The following TSPAN31 variants were observed in gnomAD, a reference collection of about 807,000 sequenced individuals.
TSPAN31 encodes tetraspanin 31.
Under a neutral mutation model 24.8 loss-of-function variants are expected in TSPAN31, and 16 were observed. The ratio of observed to expected loss-of-function variants is 0.64; its 90% CI spans 0.44 to 0.98. The LOEUF (loss-of-function observed/expected upper bound fraction) is 0.98. Ranked by LOEUF, TSPAN31 falls within the 50% of genes least tolerant of loss-of-function variation. The pLI is 0.00. For synonymous variants in TSPAN31, 87 were observed against 91.4 expected (o/e 0.95, Z 0.27); for missense variants, 209 against 251.6 (o/e 0.83, Z 1.15).
chr12:57,747,199 T>C lies in TSPAN31; in HGVS notation c.559-17T>C. 1 of 1,614,070 alleles carries C rather than the reference T, an allele frequency of 6.2e-7. No individual in the cohort carries two copies. ...GAGAATTAATTGATACTTATCTCTC[T>C]CCCTTTGTTCCTACAGATCCTTGGT... On this transcript the variant is annotated splice_polypyrimidine_tract_variant and intron_variant, in intron 5 of 5. Coordinates refer to ENST00000257910, the MANE Select transcript of TSPAN31 (RefSeq NM_005981.5).
chr12:57,745,762 C>T lies in TSPAN31; in HGVS notation c.81C>T (p.Leu27=), dbSNP rs1487306677. The T allele has an allele frequency of 3.1e-6, 5 of 1,613,598 alleles. No individual in the cohort carries two copies. Among genetic ancestry groups the T allele is most frequent in the South Asian group, 1.1e-5 (1 of 91,032 alleles). Residue 27 remains leucine, a synonymous_variant, in exon 2 of 6, where the codon CTC becomes CTT. Coordinates refer to ENST00000257910, the MANE Select transcript of TSPAN31 (RefSeq NM_005981.5). The stretch of plus-strand genomic sequence containing the variant: ...CTTCGTAGCTGGTGAGCTTGTTGCT[C>T]ATTGGAGTGGCTGCTTGGGGCAAGG... The part of the protein sequence containing the change: ...NVVYMLVSLL[L]IGVAAWGKGL...
chr12:57,748,167 C>G lies in TSPAN31; in HGVS notation c.*877C>G, dbSNP rs1242194964. On this transcript the variant is annotated 3_prime_UTR_variant, in exon 6 of 6. Coordinates refer to ENST00000257910, the MANE Select transcript of TSPAN31 (RefSeq NM_005981.5). ...AGGTTTTGCAGGAAAGTCCCTTCTT[C>G]CAAGTGGTTTTTCCAAATCGCACAA... The G allele has an allele frequency of 2.8e-6, 1 of 351,722 alleles. No individual in the cohort carries two copies. Among genetic ancestry groups the G allele is most frequent in the Non-Finnish European group, 5.3e-6 (1 of 189,340 alleles). 21.8% of individuals were successfully genotyped at this position (351,722 alleles called of 1,614,324 possible).
At position 57,748,481 on chromosome 12, in the gene TSPAN31, G is replaced by T; in HGVS notation, c.*1191G>T. ...AGATTGCCCTCTCAGTGTCCAGAAG[G>T]GAAATGGCAGCTTTTCTTCCTTCCA... On this transcript the variant is annotated 3_prime_UTR_variant, in exon 6 of 6. Coordinates refer to ENST00000257910, the MANE Select transcript of TSPAN31 (RefSeq NM_005981.5). 1 of 1,404,480 alleles carries T rather than the reference G, an allele frequency of 7.1e-7. No individual in the cohort carries two copies. Among genetic ancestry groups the T allele is most frequent in the South Asian group, 1.2e-5 (1 of 86,758 alleles). The allele number at this position is 1,404,480 out of a possible 1,614,324, so 87.0% of individuals were successfully genotyped here.
At position 57,747,319 on chromosome 12, in the gene TSPAN31, GCT is replaced by G. The variant is rs764880042; in HGVS notation, c.*36_*37del. 4.4e-6 allele frequency: 7 copies of G among 1,602,804 alleles called. No homozygotes were observed. The highest frequency in any genetic ancestry group is 6.0e-6 in the Non-Finnish European group (7 of 1,170,430). On this transcript the variant is annotated 3_prime_UTR_variant, in exon 6 of 6. Coordinates refer to ENST00000257910, the MANE Select transcript of TSPAN31 (RefSeq NM_005981.5). ...TTTGGATCCTTCTGACTTTTCTTCT[GCT>G]CTCTCTAAGCTTTCTCTTCCTCCCT...
chr12:57,745,139 C>T lies in TSPAN31; in HGVS notation c.-16C>T. ...CCCAAGTCCTTGGGACCACTTGGGT[C>T]CCCAGAGCTGGGGAGATGGTTTGTG... is the stretch of plus-strand genomic sequence containing the variant. On this transcript the variant is annotated 5_prime_UTR_variant, in exon 1 of 6. Coordinates refer to ENST00000257910, the MANE Select transcript of TSPAN31 (RefSeq NM_005981.5). The T allele has an allele frequency of 6.3e-7, 1 of 1,595,046 alleles. No homozygotes were observed. Among genetic ancestry groups the T allele is most frequent in the African/African-American group, 1.3e-5 (1 of 74,794 alleles).
intron 1 of TSPAN31, 146 bp downstream of exon 1, chr12:57,745,363 TC>T (rs1262552016): frequency 5.7e-6 from 5 of 871,670 alleles, no homozygotes; most frequent in Admixed American, 4.8e-5. Flanking sequence ...CCTGGGGACT[TC>T]CGTGGGAGAG....
Position 57,749,113 on chromosome 12 carries a change from CCTGCATA to C in TSPAN31, c.*1828_*1834del, listed in dbSNP as rs993929013. 11 of 1,590,082 alleles carry C rather than the reference CCTGCATA, an allele frequency of 6.9e-6. No individual in the cohort carries two copies. The African/African-American group carries it at 1.3e-4, about 19-fold the overall frequency. On this transcript the variant is annotated 3_prime_UTR_variant, in exon 6 of 6. Coordinates refer to ENST00000257910, the MANE Select transcript of TSPAN31 (RefSeq NM_005981.5). The stretch of plus-strand genomic sequence containing the variant: ...TTTCATTAACCACAGTGGCCAGGGC[CCTGCATA>C]CTGCTCTATTTCTTTCCCCAGTCTC...
At position 57,747,248 on chromosome 12, in the gene TSPAN31, G is replaced by C. The variant is rs766959708; in HGVS notation, c.591G>C (p.Arg197=). ...ILGVWLAMRF[R]NQKDPRANPS... is the part of the protein sequence containing the mutation. ...GTGTTTGGCTAGCAATGAGATTTCG[G>C]AATCAGAAGGATCCTAGAGCCAACC... is the stretch of plus-strand genomic sequence containing the variant. The change falls in exon 6 of 6, where the codon CGG becomes CGC. Residue 197 remains arginine, a synonymous_variant. Coordinates refer to ENST00000257910, the MANE Select transcript of TSPAN31 (RefSeq NM_005981.5). 1.2e-6 allele frequency: 2 copies of C among 1,614,152 alleles called. No homozygotes were observed. The highest frequency in any genetic ancestry group is 2.2e-5 in the East Asian group (1 of 44,882).
intron 4 of TSPAN31, 120 bp downstream of exon 4, chr12:57,746,840 T>C (rs558346234): frequency 3.0e-5 from 44 of 1,479,300 alleles, no homozygotes; most frequent in South Asian, 6.1e-5. Flanking sequence ...CCCTCTTGTA[T>C]TGGGGCTGTG....
chr12:57,745,478 T>C (rs2140376950), intron 1 of TSPAN31: 1 of 614,110 alleles, frequency 1.6e-6, no homozygotes, highest in East Asian at 2.8e-5. Context: ...CTCAGTTTCT[T>C]CCAAACTGGA....
At position 57,745,196 on chromosome 12, in the gene TSPAN31, C is replaced by A; in HGVS notation, c.42C>A (p.Cys14Ter). Residue 14 changes from cysteine (C) to a stop codon, truncating the protein, a stop_gained, in exon 1 of 6, where the codon TGC (cysteine) becomes TGA (stop). Coordinates refer to ENST00000257910, the MANE Select transcript of TSPAN31 (RefSeq NM_005981.5). LOFTEE classifies it high-confidence loss of function. ...GGFACSKNAL[C>*]ALNVVYMLVS... ...TTGCCTGCTCCAAGAATGCGCTTTG[C>A]GCTCTCAACGTGGTCTACATGGTGA... The A allele has an allele frequency of 1.2e-6, 2 of 1,607,878 alleles. No homozygotes were observed. Among genetic ancestry groups the A allele is most frequent in the East Asian group, 2.2e-5 (1 of 44,724 alleles).
At position 57,749,635 on chromosome 12, in the gene TSPAN31, G is replaced by T; in HGVS notation, c.*2345G>T. The T allele has an allele frequency of 1.2e-6, 1 of 869,310 alleles. No individual in the cohort carries two copies. Among genetic ancestry groups the T allele is most frequent in the Non-Finnish European group, 1.9e-6 (1 of 524,224 alleles). 53.8% of individuals were successfully genotyped at this position (869,310 alleles called of 1,614,324 possible). A position where few individuals can be genotyped will look rare whatever the true frequency, so the allele number is the denominator to read the frequency against. On this transcript the variant is annotated 3_prime_UTR_variant, in exon 6 of 6. Transcript: ENST00000257910. The stretch of plus-strand genomic sequence containing the variant: ...CAATTCCAGCACTTTGGGATGCTGA[G>T]GTGAGAGGACTGCTTGAGCCCAGGA...
chr12:57,748,533 G>C lies in TSPAN31; in HGVS notation c.*1243G>C, dbSNP rs2140380962. Reference sequence around the variant, plus strand: ...GGCAGCCACTCCATTGCTCACTCCGGATTACCTTCATCCTTATGTAGATAA... The same window carrying C: ...GGCAGCCACTCCATTGCTCACTCCGCATTACCTTCATCCTTATGTAGATAA... On this transcript the variant is annotated 3_prime_UTR_variant, in exon 6 of 6. Transcript: ENST00000257910. 1.2e-6 allele frequency: 2 copies of C among 1,611,324 alleles called. No homozygotes were observed. The highest frequency in any genetic ancestry group is 1.7e-6 in the Non-Finnish European group (2 of 1,177,558).
In TSPAN31 at chr12:57,749,371, T is replaced by C. The variant is rs1298094283; in HGVS notation, c.*2081T>C. On this transcript the variant is annotated 3_prime_UTR_variant, in exon 6 of 6. Transcript: ENST00000257910. ...GAGGGTCCTCCAGTTCCCATCCCCA[T>C]GGGCAGAGCCAGTTGCCATCCTGGG... is the stretch of plus-strand genomic sequence containing the variant. 4 of 1,613,712 alleles carry C rather than the reference T, an allele frequency of 2.5e-6. No individual in the cohort carries two copies. Among genetic ancestry groups the C allele is most frequent in the African/African-American group, 1.3e-5 (1 of 74,918 alleles).
rs1453975794 is a variant in TSPAN31, at chr12:57,746,461, C to T, written c.313-128C>T. On this transcript the variant is annotated intron_variant, in intron 3 of 5. Transcript: ENST00000257910. Reference sequence around the variant, plus strand: ...AGAACCTCAAAAGGTAGATATTTATCGTGTCTATAATTGTTGCACACCGTT... The same window carrying T: ...AGAACCTCAAAAGGTAGATATTTATTGTGTCTATAATTGTTGCACACCGTT... 3.2e-6 allele frequency: 4 copies of T among 1,267,234 alleles called. No homozygotes were observed. In the East Asian group the frequency reaches 7.0e-5, roughly 22 times the overall value. 78.5% of individuals were successfully genotyped at this position (1,267,234 alleles called of 1,614,324 possible).
chr12:57,746,090 A>G, intron 2 of TSPAN31, 86 bp from the exon 3 acceptor site: 1 of 1,450,030 alleles, frequency 6.9e-7, no homozygotes, highest in East Asian at 2.3e-5. Flanking sequence ...TGGTGGTGTA[A>G]GTTCTATGAA....
rs765271217 is a variant in TSPAN31, at chr12:57,746,733, G to A, written c.444+13G>A. The A allele has an allele frequency of 3.7e-6, 6 of 1,614,014 alleles. No homozygotes were observed. The highest frequency in any genetic ancestry group is 5.1e-6 in the Non-Finnish European group (6 of 1,179,932). Reference sequence around the variant, plus strand: ...TTTCTGCACTGCAGTGAGTGTGTTGGGGGTGGTGCAGCAGCCAGGGGAGGT... The same window carrying A: ...TTTCTGCACTGCAGTGAGTGTGTTGAGGGTGGTGCAGCAGCCAGGGGAGGT... On this transcript the variant is annotated intron_variant, in intron 4 of 5. Transcript: ENST00000257910.
chr12:57,747,154 C>T (rs756906392), intron 5 of TSPAN31, 23 bp downstream of exon 5: 24 of 1,611,314 alleles, frequency 1.5e-5, no homozygotes, highest in Non-Finnish European at 2.0e-5. Context: ...AGTTCCCTCA[C>T]ACACATCCTT....
In TSPAN31 at chr12:57,745,665, C is replaced by T. The variant is rs1262864253; in HGVS notation, c.64-80C>T. 11 of 1,554,430 alleles carry T rather than the reference C, an allele frequency of 7.1e-6. No individual in the cohort carries two copies. The East Asian group carries it at 2.2e-4, about 32-fold the overall frequency. The stretch of plus-strand genomic sequence containing the variant: ...ATTCCATTATTCCTTCCCCCTGCCC[C>T]GCTCCCAAGTCCTCTTGTATGGCCT... On this transcript the variant is annotated intron_variant, in intron 1 of 5. Transcript: ENST00000257910.
Sources: allele counts gnomAD v4.1 joint callset, GRCh38; gene constraint gnomAD v4.1.1; transcripts MANE v1.5; gene names NCBI Gene and HGNC (gene_info 2026-07-23, HGNC 2026-07-21).